The following SKA2 variants were observed in gnomAD, a reference collection of about 807,000 sequenced individuals.
SKA2 encodes the protein spindle and kinetochore-associated protein 2.
SKA2 carries 13 observed loss-of-function variants against 16.9 expected under a neutral mutation model. The ratio of observed to expected loss-of-function variants is 0.77; its 90% CI spans 0.50 to 1.22. The LOEUF is 1.22. Ranked by LOEUF, SKA2 falls within the 50% of genes most tolerant of loss-of-function variation. The probability of loss-of-function intolerance (pLI) is 0.00; values close to 1 mark genes in which losing one functional copy is unlikely to be tolerated. For synonymous variants in SKA2, 47 were observed against 48.5 expected (o/e 0.97, Z 0.13); for missense variants, 107 against 139.7 (o/e 0.77, Z 1.18).
chr17:59,137,753 T>C (rs763009394), intron 1 of SKA2: 2 of 524,658 alleles, frequency 3.8e-6, no homozygotes, highest in Non-Finnish European at 7.8e-6. Flanking sequence ...ACATACTTTC[T>C]GCAGCCTGCC....
chr17:59,147,574 C>A (rs532189599), intron 1 of SKA2, among the ~76,000 whole-genome samples: 1 of 151,678 alleles, frequency 6.6e-6, no homozygotes, highest in African/African-American at 2.4e-5. Flanking sequence ...AGCTTACTTT[C>A]TTCTGAAATT....
rs1379399538 is a variant in SKA2 at position 59,110,642 on chromosome 17, T to A, written c.*1635A>T. On this transcript the variant is annotated 3_prime_UTR_variant, in exon 4 of 4. Transcript: ENST00000330137. ...CATCTCTACTAAAAATACAAAAAAA[T>A]AGCCGGGCGTGGTGGCGGGCGCCTG... 6.6e-6 allele frequency: 1 copy of A among 151,792 alleles called. No homozygotes were observed. Among genetic ancestry groups the A allele is most frequent in the Non-Finnish European group, 1.5e-5 (1 of 68,036 alleles). 9.4% of individuals were successfully genotyped at this position (151,792 alleles called of 1,614,324 possible).
intron 1 of SKA2, among the ~76,000 whole-genome samples, chr17:59,133,004 G>T (rs1183730657): frequency 3.3e-5 from 5 of 152,176 alleles, no homozygotes; most frequent in Admixed American, 2.0e-4. Context: ...ATGAGACAGG[G>T]TCTTGCTCTA....
intron 1 of SKA2, among the ~76,000 whole-genome samples, chr17:59,140,604 G>A (rs1204030412): frequency 1.3e-5 from 2 of 151,184 alleles, no homozygotes; most frequent in Non-Finnish European, 1.5e-5. Flanking sequence ...AGTTTTATTT[G>A]TACTATTTAT....
rs190702857 is a variant in SKA2 at position 59,130,441 on chromosome 17, G to A, written c.120+840C>T. On this transcript the variant is annotated intron_variant, in intron 2 of 3. Coordinates refer to ENST00000330137, the MANE Select transcript of SKA2 (RefSeq NM_182620.4). The stretch of plus-strand genomic sequence containing the variant: ...AGCCTGGCCAACATAGTGAAACTCC[G>A]TCTCTACTAAAAATACAAAAAAAAA... 9.0e-3 allele frequency among the ~76,000 whole-genome samples: 1,134 copies of A among 126,266 alleles called. 10 individuals are homozygous for A. The highest frequency in any genetic ancestry group is 0.014 in the Non-Finnish European group (901 of 63,166). The allele number at this position is 126,266 out of a possible 152,430, so 82.8% of individuals were successfully genotyped here. A position where few individuals can be genotyped will look rare whatever the true frequency, so the allele number is the denominator to read the frequency against.
At chr17:59,136,572 C>T (rs566068161) in intron 1 of SKA2, among the ~76,000 whole-genome samples, 2 of 149,782 alleles carry the variant, frequency 1.3e-5, no homozygotes, top group East Asian at 2.0e-4. Context: ...TTGTTTGAGA[C>T]GGAGTCTCAC....
At chr17:59,142,816 A>G (rs1457961293) in intron 1 of SKA2, among the ~76,000 whole-genome samples, 1 of 150,728 alleles carries the variant, frequency 6.6e-6, no homozygotes, top group Non-Finnish European at 1.5e-5. Context: ...AATCCCAGCT[A>G]CTCGGGAGGC....
intron 2 of SKA2, among the ~76,000 whole-genome samples, chr17:59,126,812 A>G (rs1166756942): frequency 6.6e-6 from 1 of 152,220 alleles, no homozygotes; most frequent in Non-Finnish European, 1.5e-5. Flanking sequence ...ATACTTGCAT[A>G]CCAGTGTTCA....
intron 1 of SKA2, among the ~76,000 whole-genome samples, chr17:59,133,649 A>G (rs527576605): frequency 2.4e-4 from 37 of 152,352 alleles, no homozygotes; most frequent in Non-Finnish European, 4.6e-4. Flanking sequence ...TCAAATGTAG[A>G]GTAAGACAAA....
chr17:59,125,272 T>A (rs756491030), intron 2 of SKA2, among the ~76,000 whole-genome samples: 8 of 150,688 alleles, frequency 5.3e-5, no homozygotes, highest in Non-Finnish European at 1.2e-4. Flanking sequence ...ATTACAGGTA[T>A]GAGCCACCGC....
rs188782065 is a variant in SKA2 at position 59,141,098 on chromosome 17, T to C, written c.34-9731A>G. Among the ~76,000 whole-genome samples, 121 of 152,110 alleles carry C rather than the reference T, an allele frequency of 8.0e-4. 1 individual carries two copies. Among genetic ancestry groups the C allele is most frequent in the African/African-American group, 2.7e-3 (114 of 41,516 alleles). ...AGGTGTGAGCCACTGCTCCAAGCCT[T>C]AAATAATTTATGTAATTCGGCTGGG... On this transcript the variant is annotated intron_variant, in intron 1 of 3. Transcript: ENST00000330137.
intron 3 of SKA2, among the ~76,000 whole-genome samples, chr17:59,118,950 G>A (rs559942799): frequency 2.4e-4 from 36 of 152,136 alleles, no homozygotes; most frequent in Non-Finnish European, 4.0e-4. Flanking sequence ...GGCAGACTAC[G>A]CTATTTTCTG....
At chr17:59,142,620 T>C (rs1267921921) in intron 1 of SKA2, among the ~76,000 whole-genome samples, 1 of 150,728 alleles carries the variant, frequency 6.6e-6, no homozygotes, top group Non-Finnish European at 1.5e-5. Context: ...TTTTATATTT[T>C]AATATTAAAA....
intron 1 of SKA2, among the ~76,000 whole-genome samples, chr17:59,147,373 A>G (rs2046541221): frequency 1.1e-5 from 1 of 92,214 alleles, no homozygotes; most frequent in Non-Finnish European, 2.1e-5. Flanking sequence ...AATTTTATAT[A>G]TAAGACACAC....
chr17:59,119,358 CAT>C lies in SKA2; in HGVS notation c.256_257del (p.Met86GlufsTer19), dbSNP rs764964540. ...SRICATVKKTMNMIQKLQKQT... is the reference protein window; with the variant it reads ...SRICATVKKTXNMIQKLQKQT... Reference sequence around the variant, plus strand: ...GCTTCTGTAGTTTTTGTATCATATTCATAGTCTTTTTCACAGTAGCACAAATG... The same window carrying C: ...GCTTCTGTAGTTTTTGTATCATATTCAGTCTTTTTCACAGTAGCACAAATG... On this transcript the variant is annotated frameshift_variant, in exon 3 of 4. Coordinates refer to ENST00000330137, the MANE Select transcript of SKA2 (RefSeq NM_182620.4). LOFTEE classifies it high-confidence loss of function. The C allele has an allele frequency of 4.3e-5, 69 of 1,613,928 alleles. No homozygotes were observed. The Admixed American group carries it at 6.8e-4, about 16-fold the overall frequency.
intron 2 of SKA2, among the ~76,000 whole-genome samples, chr17:59,124,782 T>C (rs2046359579): frequency 6.6e-6 from 1 of 152,090 alleles, no homozygotes; most frequent in Admixed American, 6.6e-5. Context: ...ATAATACATG[T>C]TTTTATGACA....
intron 3 of SKA2, among the ~76,000 whole-genome samples, chr17:59,113,313 G>A (rs2147790546): frequency 6.6e-6 from 1 of 152,002 alleles, no homozygotes; most frequent in South Asian, 2.1e-4. Flanking sequence ...CTTGAGGTCA[G>A]GAGTTTGAGA....
intron 1 of SKA2, among the ~76,000 whole-genome samples, chr17:59,140,679 C>T (rs937969072): frequency 1.0e-4 from 15 of 149,606 alleles, no homozygotes; most frequent in Non-Finnish European, 1.9e-4. Context: ...GGTGCAATCT[C>T]GGCTCACTGC....
intron 1 of SKA2, among the ~76,000 whole-genome samples, chr17:59,146,905 A>C (rs2046536534): frequency 6.6e-6 from 1 of 152,212 alleles, no homozygotes; most frequent in African/African-American, 2.4e-5. Context: ...TCCTGAGCTC[A>C]AGCAATCCTC....
Sources: gnomAD v4.1 joint callset for allele counts (sites outside exome capture counted in the v4.1 genomes callset) on GRCh38, gnomAD v4.1.1 for gene constraint, MANE v1.5 for transcripts, NCBI Gene and HGNC (gene_info 2026-07-23, HGNC 2026-07-21) for gene names.